Variants in SLC12A7 observed in about 807,000 individuals in gnomAD.
SLC12A7 encodes K-Cl cotransporter 4.
SLC12A7 carries 100 observed loss-of-function variants against 120.6 expected under a neutral mutation model. That is an observed-to-expected ratio of 0.83 (90% CI 0.71 to 0.98). The LOEUF (loss-of-function observed/expected upper bound fraction) is 0.98, where lower values mean the gene tolerates loss of function less well. Ranked by LOEUF, SLC12A7 falls within the 50% of genes least tolerant of loss-of-function variation. SLC12A7 has a pLI of 0.00. For synonymous variants in SLC12A7, 760 were observed against 678.0 expected, an observed-to-expected ratio of 1.12 and a Z score of -1.88; for missense variants, 1,373 against 1,548.1, an observed-to-expected ratio of 0.89 and a Z score of 1.90.
At chr5:1,069,553 G>A (rs759755675) in intron 17 of SLC12A7, among the ~76,000 whole-genome samples, 5 of 152,222 alleles carry the variant, frequency 3.3e-5, no homozygotes, top group Admixed American at 6.5e-5. Flanking sequence ...CAACAGGCAC[G>A]TGGTATAGGC....
At chr5:1,091,665 G>A (rs1484701752) in intron 3 of SLC12A7, among the ~76,000 whole-genome samples, 7 of 151,366 alleles carry the variant, frequency 4.6e-5, no homozygotes, top group South Asian at 2.1e-4. Context: ...GTTCCACAGC[G>A]TCCACGTGCG....
chr5:1,068,088 C>T (rs958003552), intron 17 of SLC12A7, among the ~76,000 whole-genome samples: 3 of 152,230 alleles, frequency 2.0e-5, no homozygotes, highest in African/African-American at 4.8e-5. Context: ...GCCTCCCTGG[C>T]GACTGCATGA....
chr5:1,130,543 G>T, the SLC12A7 span, among the ~76,000 whole-genome samples: 152 of 152,004 alleles, frequency 1.0e-3, no homozygotes, highest in African/African-American at 3.5e-3. Context: ...TAGCCAGGGC[G>T]GCTGCCCGCG....
chr5:1,117,015 C>T (rs768525458), upstream of SLC12A7, among the ~76,000 whole-genome samples: 22 of 152,160 alleles, frequency 1.4e-4, no homozygotes, highest in Admixed American at 1.1e-3. This position sits in a 1 kb window ranked among gnomAD's most constrained non-coding sequence, Gnocchi z 4.5. Context: ...GTTTGGAAGA[C>T]GAGGCCAACC....
intron 3 of SLC12A7, among the ~76,000 whole-genome samples, chr5:1,090,790 G>A (rs1740409968): frequency 6.6e-6 from 1 of 152,246 alleles, no homozygotes; most frequent in African/African-American, 2.4e-5. Context: ...ACTCCTCACG[G>A]AAGGGCATGG....
chr5:1,137,833 C>T, the SLC12A7 span, among the ~76,000 whole-genome samples: 4 of 152,254 alleles, frequency 2.6e-5, no homozygotes, highest in Admixed American at 2.0e-4. Flanking sequence ...TGCCCCTCCC[C>T]CGGCACCAGC....
At chr5:1,139,403 C>A in the SLC12A7 span, among the ~76,000 whole-genome samples, 1 of 152,264 alleles carries the variant, frequency 6.6e-6, no homozygotes, top group Non-Finnish European at 1.5e-5. Context: ...TCACGAGGGC[C>A]CTGGGCCCCA....
the SLC12A7 span, among the ~76,000 whole-genome samples, chr5:1,136,258 A>G: frequency 6.6e-6 from 1 of 150,496 alleles, no homozygotes; most frequent in Non-Finnish European, 1.5e-5. Context: ...GCTCCGAGAA[A>G]TCACGACTCC....
the SLC12A7 span, among the ~76,000 whole-genome samples, chr5:1,119,673 C>A: frequency 6.6e-6 from 1 of 152,252 alleles, no homozygotes; most frequent in Non-Finnish European, 1.5e-5. Flanking sequence ...CTTTCAGCCA[C>A]CCCGTGCCAG....
chr5:1,130,385 G>A, the SLC12A7 span, among the ~76,000 whole-genome samples: 1 of 152,196 alleles, frequency 6.6e-6, no homozygotes, highest in Non-Finnish European at 1.5e-5. Flanking sequence ...TCTGGGCAGA[G>A]GAGCAAAGAC....
chr5:1,129,012 G>A, the SLC12A7 span, among the ~76,000 whole-genome samples: 2 of 152,308 alleles, frequency 1.3e-5, no homozygotes, highest in East Asian at 3.9e-4. Context: ...ATACCCCGCT[G>A]CCCCTGCAAG....
intron 17 of SLC12A7, among the ~76,000 whole-genome samples, chr5:1,069,398 C>A (rs73731151): frequency 0.068 from 10,384 of 152,238 alleles, 410 homozygotes; most frequent in African/African-American, 0.12. Flanking sequence ...AGAAACGGAC[C>A]GGGGAGGCGG....
rs962728565 is a variant in SLC12A7, at chr5:1,089,057, G to A, written c.414C>T (p.Phe138=). Residue 138 remains phenylalanine, a synonymous_variant, in exon 4 of 24, where the codon TTC becomes TTT. Transcript: ENST00000264930. ...CCCCCACGATCCACGTCAGGCGCAG[G>A]AAGAGGATGACGCCCAGGATGTTCT... ...CLQNILGVIL[F]LRLTWIVGVA... 6.2e-7 allele frequency: 1 copy of A among 1,613,062 alleles called. No homozygotes were observed. The highest frequency in any genetic ancestry group is 1.7e-5 in the Admixed American group (1 of 60,028).
chr5:1,147,273 G>A, the SLC12A7 span, among the ~76,000 whole-genome samples: 4 of 98,200 alleles, frequency 4.1e-5, no homozygotes, highest in African/African-American at 2.0e-4. Context: ...CCGCCTTTAG[G>A]AGTTCAGGTG....
At chr5:1,112,966 TC>T (rs1743158451), upstream of SLC12A7, among the ~76,000 whole-genome samples, 1 of 141,908 alleles carries the variant, frequency 7.0e-6, no homozygotes, top group African/African-American at 2.7e-5. Flanking sequence ...CCTAGAACCC[TC>T]CCTTCCCTCC....
rs1234960660 is a variant in SLC12A7 at position 1,083,927 on chromosome 5, G to C, written c.947C>G (p.Ser316Ter). The C allele has an allele frequency of 1.9e-6, 3 of 1,604,766 alleles. No individual in the cohort carries two copies. Among genetic ancestry groups the C allele is most frequent in the Non-Finnish European group, 2.5e-6 (3 of 1,179,692 alleles). The change falls in exon 8 of 24, where the codon TCA (serine) becomes TGA (stop). Residue 316 changes from serine (S) to a stop codon, truncating the protein, a stop_gained. Coordinates refer to ENST00000264930, the MANE Select transcript of SLC12A7 (RefSeq NM_006598.3). LOFTEE classifies it high-confidence loss of function. ...GACGCAGGCATCGAAGCTGCGCCGT[G>C]ACAGCGTGCGGTTCCCCAGGAGGCA... ...PVCLLGNRTL[S>*]RRSFDACVKA... is the part of the protein sequence containing the mutation.
At chr5:1,146,352 C>T in the SLC12A7 span, among the ~76,000 whole-genome samples, 1 of 103,602 alleles carries the variant, frequency 9.7e-6, no homozygotes, top group Non-Finnish European at 2.3e-5. This position sits in a 1 kb window ranked among gnomAD's most constrained non-coding sequence, Gnocchi z 6.5. Context: ...TGACCACGGA[C>T]CTCCAGGCCT....
At chr5:1,112,458 A>T (rs1006454554), upstream of SLC12A7, among the ~76,000 whole-genome samples, 1 of 18,178 alleles carries the variant, frequency 5.5e-5, no homozygotes, top group Non-Finnish European at 9.6e-5. Flanking sequence ...CCCCTCCTGC[A>T]CCCCCCCACC....
intron 21 of SLC12A7, among the ~76,000 whole-genome samples, chr5:1,059,471 G>C (rs4275011): frequency 0.94 from 142,804 of 152,236 alleles, 67,662 homozygotes; most frequent in East Asian, 1. Flanking sequence ...CTGGTCTGCA[G>C]ACACACGTGT....
Sources: allele counts gnomAD v4.1 joint callset (sites outside exome capture counted in the v4.1 genomes callset), GRCh38; gene constraint gnomAD v4.1.1; non-coding constraint Gnocchi (gnomAD v3.1); transcripts MANE v1.5; gene names NCBI Gene and HGNC (gene_info 2026-07-23, HGNC 2026-07-21).